The following SEC61B variants were observed in gnomAD, a reference collection of about 807,000 sequenced individuals.
The protein encoded by SEC61B is SEC61 translocon subunit beta.
SEC61B carries 7 observed loss-of-function variants against 12.6 expected under a neutral mutation model. The observed-to-expected ratio is 0.55, with a 90% confidence interval of 0.32 to 1.04. The LOEUF (loss-of-function observed/expected upper bound fraction) is 1.04, where lower values mean the gene tolerates loss of function less well. Among genes scored for constraint, SEC61B ranks in the 50% least tolerant of loss-of-function variants. The probability of loss-of-function intolerance (pLI) is 0.05; values close to 1 mark genes in which losing one functional copy is unlikely to be tolerated. For synonymous variants in SEC61B, 54 were observed against 50.1 expected, an observed-to-expected ratio of 1.08 and a Z score of -0.33; for missense variants, 107 against 130.1, an observed-to-expected ratio of 0.82 and a Z score of 0.86.
intron 3 of SEC61B, among the ~76,000 whole-genome samples, chr9:99,229,782 T>A (rs557709784): frequency 5.3e-5 from 8 of 152,342 alleles, no homozygotes; most frequent in East Asian, 3.9e-4. Flanking sequence ...AATAATCATA[T>A]CAGGGTGTGT....
chr9:99,226,476 C>T (rs375574501), intron 2 of SEC61B, among the ~76,000 whole-genome samples: 4 of 152,148 alleles, frequency 2.6e-5, no homozygotes, highest in African/African-American at 7.2e-5. Context: ...AATCATCAGC[C>T]CACAGATACT....
intron 2 of SEC61B, among the ~76,000 whole-genome samples, chr9:99,226,461 T>C (rs1328566102): frequency 6.6e-6 from 1 of 152,144 alleles, no homozygotes; most frequent in African/African-American, 2.4e-5. Flanking sequence ...TTTTCAAAAA[T>C]CCAGAATCAT....
At chr9:99,223,437 AGGCT>A in intron 2 of SEC61B, among the ~76,000 whole-genome samples, 1 of 148,228 alleles carries the variant, frequency 6.7e-6, no homozygotes, top group Non-Finnish European at 1.5e-5. Context: ...TCTGTCGCCC[AGGCT>A]GGAGTGCAGT....
Position 99,222,297 on chromosome 9 carries a change from C to A in SEC61B, c.-67C>A, listed in dbSNP as rs186590435. On this transcript the variant is annotated 5_prime_UTR_variant, in exon 1 of 4. Transcript: ENST00000223641. ...GGCCTGAGTCAGTCTCGCCAGCTGC[C>A]GGTCTTTCGGGGGCTCCGTAACTTT... is the stretch of plus-strand genomic sequence containing the variant. The A allele has an allele frequency of 5.0e-6, 8 of 1,612,786 alleles. No homozygotes were observed. In the East Asian group the frequency reaches 1.6e-4, roughly 31 times the overall value.
intron 2 of SEC61B, among the ~76,000 whole-genome samples, chr9:99,225,998 CAT>C (rs1353946750): frequency 6.6e-6 from 1 of 152,180 alleles, no homozygotes; most frequent in Non-Finnish European, 1.5e-5. Flanking sequence ...GATGGAATGA[CAT>C]ATATCTGTGT....
At chr9:99,223,932 A>G (rs1194064416) in intron 2 of SEC61B, among the ~76,000 whole-genome samples, 1 of 152,154 alleles carries the variant, frequency 6.6e-6, no homozygotes, top group African/African-American at 2.4e-5. Context: ...ATGTTTCCAT[A>G]TTTATCTCCT....
chr9:99,223,781 A>G (rs1264547193), intron 2 of SEC61B, among the ~76,000 whole-genome samples: 1 of 152,098 alleles, frequency 6.6e-6, no homozygotes, highest in Non-Finnish European at 1.5e-5. Flanking sequence ...CCCTCATCTC[A>G]AGGCAAATTT....
chr9:99,222,725 C>T (rs757706940), intron 2 of SEC61B, 82 bp downstream of exon 2: 2 of 1,009,202 alleles, frequency 2.0e-6, no homozygotes, highest in Non-Finnish European at 2.8e-6. Flanking sequence ...GAGACCCTAG[C>T]ATGTGAAGAT....
At position 99,222,328 on chromosome 9, in the gene SEC61B, C is replaced by A. The variant is rs369769741; in HGVS notation, c.-36C>A. The stretch of plus-strand genomic sequence containing the variant: ...TTCGGGGGCTCCGTAACTTTCTATC[C>A]GTCCGCGTCAGCGCCTTGCCACCCT... On this transcript the variant is annotated 5_prime_UTR_variant, in exon 1 of 4. Transcript: ENST00000223641. 93 of 1,614,006 alleles carry A rather than the reference C, an allele frequency of 5.8e-5. No individual in the cohort carries two copies. Among genetic ancestry groups the A allele is most frequent in the Non-Finnish European group, 7.3e-5 (86 of 1,180,004 alleles).
intron 2 of SEC61B, 100 bp downstream of exon 2, chr9:99,222,743 G>A (rs1828845282): frequency 8.4e-6 from 7 of 835,480 alleles, no homozygotes; most frequent in Non-Finnish European, 1.3e-5. Flanking sequence ...GATTGACAAA[G>A]GCAAAATGAG....
chr9:99,227,701 A>G (rs981194370), intron 2 of SEC61B, among the ~76,000 whole-genome samples, 198 bp from the exon 3 acceptor site: 4 of 152,182 alleles, frequency 2.6e-5, no homozygotes, highest in African/African-American at 7.2e-5. Flanking sequence ...GGGTTATTGT[A>G]TGCATTGGCA....
chr9:99,226,229 T>C (rs954829950), intron 2 of SEC61B, among the ~76,000 whole-genome samples: 4 of 152,218 alleles, frequency 2.6e-5, no homozygotes, highest in African/African-American at 9.7e-5. Context: ...AGTTCTGGCA[T>C]GAACACAGCT....
intron 2 of SEC61B, among the ~76,000 whole-genome samples, chr9:99,226,772 A>G (rs1408640757): frequency 6.6e-6 from 1 of 152,064 alleles, no homozygotes; most frequent in Non-Finnish European, 1.5e-5. Flanking sequence ...GAGAGAAAGG[A>G]TTCCTTGGGC....
At position 99,230,507 on chromosome 9, in the gene SEC61B, C is replaced by A; in HGVS notation, c.*83C>A. On this transcript the variant is annotated 3_prime_UTR_variant, in exon 4 of 4. Transcript: ENST00000223641. ...ACCAAAAGTATAGTGACTATCTGTT[C>A]ATGAGAGAAATTTTCTGTAAGCTTG... is the stretch of plus-strand genomic sequence containing the variant. The A allele has an allele frequency of 1.2e-6, 1 of 846,480 alleles. No homozygotes were observed. Among genetic ancestry groups the A allele is most frequent in the Non-Finnish European group, 1.9e-6 (1 of 523,812 alleles). The allele number at this position is 846,480 out of a possible 1,614,324, so 52.4% of individuals were successfully genotyped here.
intron 3 of SEC61B, among the ~76,000 whole-genome samples, chr9:99,229,947 T>C (rs529718903): frequency 6.6e-6 from 1 of 152,354 alleles, no homozygotes; most frequent in South Asian, 2.1e-4. Context: ...TGTCTTTAAA[T>C]AAATCTTAAT....
At chr9:99,226,137 G>A (rs138650164) in intron 2 of SEC61B, among the ~76,000 whole-genome samples, 25 of 152,294 alleles carry the variant, frequency 1.6e-4, no homozygotes, top group African/African-American at 5.8e-4. Context: ...AGGCTACCAC[G>A]TAGTCCATAA....
intron 3 of SEC61B, among the ~76,000 whole-genome samples, chr9:99,229,860 T>C (rs1288492224): frequency 1.3e-5 from 2 of 152,256 alleles, no homozygotes; most frequent in Non-Finnish European, 2.9e-5. Context: ...GTTAGTTGTT[T>C]TACAATATAC....
chr9:99,230,500 A>C lies in SEC61B; in HGVS notation c.*76A>C, dbSNP rs951897472. ...TTCTTGGACCAAAAGTATAGTGACT[A>C]TCTGTTCATGAGAGAAATTTTCTGT... On this transcript the variant is annotated 3_prime_UTR_variant, in exon 4 of 4. Coordinates refer to ENST00000223641, the MANE Select transcript of SEC61B (RefSeq NM_006808.3). 5.3e-6 allele frequency: 5 copies of C among 939,946 alleles called. No homozygotes were observed. The highest frequency in any genetic ancestry group is 3.8e-5 in the Admixed American group (2 of 52,856). The allele number at this position is 939,946 out of a possible 1,614,324, so 58.2% of individuals were successfully genotyped here.
At position 99,230,260 on chromosome 9, in the gene SEC61B, C is replaced by G. The variant is rs1389684922; in HGVS notation, c.204-77C>G. On this transcript the variant is annotated intron_variant, in intron 3 of 3. Transcript: ENST00000223641. ...TGCCCACCTTACCTCTACTTTTCCC[C>G]TAGGCAATCTTTAGTATTGCAGATC... 8.0e-6 allele frequency: 7 copies of G among 872,306 alleles called. No individual in the cohort carries two copies. The East Asian group carries it at 1.9e-4, about 24-fold the overall frequency. The allele number at this position is 872,306 out of a possible 1,614,324, so 54.0% of individuals were successfully genotyped here.
Sources: gnomAD v4.1 joint callset for allele counts (sites outside exome capture counted in the v4.1 genomes callset) on GRCh38, gnomAD v4.1.1 for gene constraint, MANE v1.5 for transcripts, NCBI Gene and HGNC (gene_info 2026-07-23, HGNC 2026-07-21) for gene names.